Variants in CXCL13 observed in about 807,000 individuals in gnomAD.
CXCL13 encodes C-X-C motif chemokine 13.
CXCL13 carries 7 observed loss-of-function variants against 12.2 expected under a neutral mutation model. The ratio of observed to expected loss-of-function variants is 0.57; its 90% CI spans 0.33 to 1.07. The LOEUF is 1.07. Ranked by LOEUF, CXCL13 falls within the 50% of genes least tolerant of loss-of-function variation. The pLI is 0.04. For missense variants in CXCL13, 113 were observed against 127.4 expected, an observed-to-expected ratio of 0.89 and a Z score of 0.55; for synonymous variants, 47 against 42.4, an observed-to-expected ratio of 1.11 and a Z score of -0.42.
chr4:77,522,907 GT>G (rs1724646951), intron 1 of CXCL13, among the ~76,000 whole-genome samples: 1 of 152,106 alleles, frequency 6.6e-6, no homozygotes, highest in South Asian at 2.1e-4. Flanking sequence ...AGGCCTGGTG[GT>G]GACAAAATCT....
intron 1 of CXCL13, among the ~76,000 whole-genome samples, chr4:77,537,938 T>C (rs1725100202): frequency 6.6e-6 from 1 of 152,202 alleles, no homozygotes; most frequent in Non-Finnish European, 1.5e-5. Context: ...GAAAAGGGTA[T>C]CTTTCTTTCT....
chr4:77,550,790 G>A (rs957169470), intron 1 of CXCL13, among the ~76,000 whole-genome samples: 1 of 152,052 alleles, frequency 6.6e-6, no homozygotes, highest in Non-Finnish European at 1.5e-5. Context: ...TATGAATCTG[G>A]GTGCTCCAAT....
intron 1 of CXCL13, 57 bp from the exon 2 acceptor site, chr4:77,607,646 C>G (rs896730514): frequency 3.3e-6 from 5 of 1,520,272 alleles, no homozygotes; most frequent in Non-Finnish European, 3.6e-6. Flanking sequence ...TAATTAAATT[C>G]TAGTTATGAA....
At chr4:77,590,914 C>T (rs1726590396) in intron 1 of CXCL13, among the ~76,000 whole-genome samples, 1 of 152,208 alleles carries the variant, frequency 6.6e-6, no homozygotes, top group Admixed American at 6.5e-5. Flanking sequence ...GAGTCTCACT[C>T]TGTCACCCAG....
intron 1 of CXCL13, among the ~76,000 whole-genome samples, chr4:77,520,804 GA>G (rs1295727545): frequency 2.0e-5 from 3 of 152,186 alleles, no homozygotes; most frequent in Non-Finnish European, 2.9e-5. Flanking sequence ...AGTTTTCAAA[GA>G]GAATGCTTCC....
At chr4:77,597,551 T>C (rs1379462709) in intron 1 of CXCL13, among the ~76,000 whole-genome samples, 1 of 152,172 alleles carries the variant, frequency 6.6e-6, no homozygotes, top group Non-Finnish European at 1.5e-5. Flanking sequence ...GCCTTTTACA[T>C]TATCCCTGTT....
intron 1 of CXCL13, among the ~76,000 whole-genome samples, chr4:77,599,515 G>A (rs1225190279): frequency 2.6e-5 from 4 of 152,172 alleles, no homozygotes; most frequent in Non-Finnish European, 5.9e-5. Context: ...CTATGGATAA[G>A]GAAGGCCGAC....
intron 1 of CXCL13, among the ~76,000 whole-genome samples, chr4:77,525,193 A>G (rs1443498386): frequency 6.6e-6 from 1 of 152,246 alleles, no homozygotes; most frequent in Non-Finnish European, 1.5e-5. Context: ...CCTCCAGAAC[A>G]GTGAGCTAAA....
chr4:77,562,062 AG>A (rs1725827763), intron 1 of CXCL13, among the ~76,000 whole-genome samples: 1 of 152,030 alleles, frequency 6.6e-6, no homozygotes, highest in South Asian at 2.1e-4. Context: ...CTGGCCCACC[AG>A]GGCTGCGCTC....
At chr4:77,536,174 G>T (rs543577193) in intron 1 of CXCL13, among the ~76,000 whole-genome samples, 1 of 152,106 alleles carries the variant, frequency 6.6e-6, no homozygotes, top group Admixed American at 6.6e-5. Flanking sequence ...GGAGTGTGGA[G>T]CTGGCAAAAC....
At chr4:77,542,341 G>A (rs938664824) in intron 1 of CXCL13, among the ~76,000 whole-genome samples, 6 of 152,058 alleles carry the variant, frequency 3.9e-5, no homozygotes, top group African/African-American at 9.7e-5. Flanking sequence ...TGTTGGCTAC[G>A]GGTTTGTCAT....
intron 1 of CXCL13, among the ~76,000 whole-genome samples, chr4:77,541,890 A>AGGCGGTG (rs1423068605): frequency 2.0e-5 from 3 of 152,150 alleles, no homozygotes; most frequent in Non-Finnish European, 4.4e-5. Flanking sequence ...GATTACTTTC[A>AGGCGGTG]GGCGGTGTTT....
chr4:77,516,503 C>A (rs919628202), intron 1 of CXCL13, among the ~76,000 whole-genome samples: 1 of 152,196 alleles, frequency 6.6e-6, no homozygotes, highest in Non-Finnish European at 1.5e-5. Context: ...TTGGTCTATT[C>A]AGAGATTCAA....
chr4:77,581,536 T>C (rs756761061), intron 1 of CXCL13, among the ~76,000 whole-genome samples: 2 of 152,158 alleles, frequency 1.3e-5, no homozygotes, highest in Non-Finnish European at 2.9e-5. Context: ...CCTGAGTTCT[T>C]CCAGGAACCA....
At chr4:77,552,646 C>T (rs1034839048) in intron 1 of CXCL13, among the ~76,000 whole-genome samples, 2 of 152,230 alleles carry the variant, frequency 1.3e-5, no homozygotes, top group Admixed American at 1.3e-4. Flanking sequence ...ATGGCAGACA[C>T]AAGCACCAGC....
At chr4:77,603,794 T>C (rs1560538082), upstream of CXCL13, among the ~76,000 whole-genome samples, 2 of 152,126 alleles carry the variant, frequency 1.3e-5, no homozygotes, top group Non-Finnish European at 2.9e-5. Context: ...ACAGATTAGA[T>C]AGTCAGACAG....
intron 1 of CXCL13, among the ~76,000 whole-genome samples, chr4:77,572,863 A>G (rs995349956): frequency 2.6e-5 from 4 of 151,920 alleles, no homozygotes; most frequent in Non-Finnish European, 4.4e-5. Context: ...GATTGGATAA[A>G]GAAAATGTGG....
chr4:77,525,690 A>G (rs757095679), intron 1 of CXCL13, among the ~76,000 whole-genome samples: 1 of 152,158 alleles, frequency 6.6e-6, no homozygotes, highest in East Asian at 1.9e-4. Flanking sequence ...AGAATGACTA[A>G]GTTAAACCTC....
intron 1 of CXCL13, among the ~76,000 whole-genome samples, chr4:77,536,837 G>T (rs1055875472): frequency 3.9e-5 from 6 of 152,104 alleles, no homozygotes; most frequent in Non-Finnish European, 8.8e-5. Context: ...ATAGAAAAAG[G>T]TTCAAGAGTG....
Sources: gnomAD v4.1 joint callset for allele counts (sites outside exome capture counted in the v4.1 genomes callset) on GRCh38, gnomAD v4.1.1 for gene constraint, MANE v1.5 for transcripts, NCBI Gene and HGNC (gene_info 2026-07-23, HGNC 2026-07-21) for gene names.